The following ZMYND8 variants were observed in gnomAD, a reference collection of about 807,000 sequenced individuals.
The protein encoded by ZMYND8 is MYND-type zinc finger-containing chromatin reader ZMYND8.
A neutral mutation model predicts 140.8 loss-of-function variants in ZMYND8; 37 were observed. That is an observed-to-expected ratio of 0.26 (90% CI 0.20 to 0.35). The LOEUF (loss-of-function observed/expected upper bound fraction) is 0.35, where lower values mean the gene tolerates loss of function less well. ZMYND8 is among the 10% of genes least tolerant of loss of function. The probability of loss-of-function intolerance (pLI) is 1.00; values close to 1 mark genes in which losing one functional copy is unlikely to be tolerated. For synonymous variants in ZMYND8, 592 were observed against 597.1 expected, an observed-to-expected ratio of 0.99 and a Z score of 0.12; for missense variants, 1,068 against 1,570.0, an observed-to-expected ratio of 0.68 and a Z score of 5.40.
At chr20:47,305,082 TAAA>T (rs755649444) in intron 3 of ZMYND8, among the ~76,000 whole-genome samples, 3 of 144,866 alleles carry the variant, frequency 2.1e-5, no homozygotes, top group Non-Finnish European at 1.5e-5. Flanking sequence ...TACAAAAAGT[TAAA>T]AAAAAAAAAT....
At chr20:47,269,028 G>A (rs549533751) in intron 11 of ZMYND8, among the ~76,000 whole-genome samples, 45 of 151,830 alleles carry the variant, frequency 3.0e-4, no homozygotes, top group African/African-American at 9.4e-4. Flanking sequence ...TGGCAAAACC[G>A]CTCTCTACTA....
At chr20:47,249,655 TC>T (rs3216056) in intron 12 of ZMYND8, among the ~76,000 whole-genome samples, 36,157 of 152,086 alleles carry the variant, frequency 0.24, 4,688 homozygotes, top group Non-Finnish European at 0.3. Context: ...GTTTAAACAG[TC>T]CACTGAACAA....
intron 11 of ZMYND8, among the ~76,000 whole-genome samples, chr20:47,274,474 T>TAAA (rs1176494986): frequency 3.9e-5 from 6 of 152,234 alleles, no homozygotes; most frequent in African/African-American, 1.2e-4. Context: ...AAGCATGCTC[T>TAAA]TTATGGGAAT....
intron 11 of ZMYND8, among the ~76,000 whole-genome samples, chr20:47,271,601 G>C (rs1340617822): frequency 2.6e-5 from 4 of 152,168 alleles, no homozygotes; most frequent in African/African-American, 9.7e-5. Flanking sequence ...TTAACAGTAG[G>C]ACTTATAACC....
At chr20:47,229,150 T>A (rs896838675) in intron 17 of ZMYND8, among the ~76,000 whole-genome samples, 1 of 150,834 alleles carries the variant, frequency 6.6e-6, no homozygotes, top group Non-Finnish European at 1.5e-5. Flanking sequence ...TCCTGCTTGT[T>A]TTTTTAAAAT....
At chr20:47,268,720 G>C (rs867785314) in intron 11 of ZMYND8, among the ~76,000 whole-genome samples, 29 of 149,910 alleles carry the variant, frequency 1.9e-4, no homozygotes, top group African/African-American at 6.6e-4. Context: ...GAGGTGGCGA[G>C]TGAGCCGAGA....
chr20:47,319,382 G>A (rs2079721721), intron 2 of ZMYND8: 1 of 240,934 alleles, frequency 4.2e-6, no homozygotes, highest in African/African-American at 2.3e-5. Flanking sequence ...AGGGAGCCTG[G>A]GGGGAGGGAA....
intron 2 of ZMYND8, among the ~76,000 whole-genome samples, chr20:47,324,323 C>T (rs919572352): frequency 6.6e-6 from 1 of 151,902 alleles, no homozygotes; most frequent in Non-Finnish European, 1.5e-5. Flanking sequence ...TCGAGACCAG[C>T]CAGGCCAACA....
intron 7 of ZMYND8, among the ~76,000 whole-genome samples, chr20:47,289,801 G>T (rs565440020): frequency 6.6e-6 from 1 of 152,320 alleles, no homozygotes; most frequent in African/African-American, 2.4e-5. Context: ...GGTTCCTGTT[G>T]AGAGTGGGTT....
intron 11 of ZMYND8, among the ~76,000 whole-genome samples, chr20:47,274,999 G>GGGAGGGAGAGAGAGAGAGACCAA (rs2076172558): frequency 6.6e-6 from 1 of 152,170 alleles, no homozygotes; most frequent in Non-Finnish European, 1.5e-5. Flanking sequence ...GAGGGAGAGA[G>GGGAGGGAGAGAGAGAGAGACCAA]GGAGGGAGAG....
Position 47,280,968 on chromosome 20 carries a change from T to C in ZMYND8, c.998+1134A>G, listed in dbSNP as rs550939081. On this transcript the variant is annotated intron_variant, in intron 10 of 22. Coordinates refer to ENST00000471951, the MANE Select transcript of ZMYND8 (RefSeq NM_001281775.3). ...AGGCCCCCACCACTACCTCCTGACC[T>C]GAGATTATCTTGCCTATTAGTTCAC... Among the ~76,000 whole-genome samples the C allele has an allele frequency of 2.0e-5, 3 of 152,264 alleles. No homozygotes were observed. In the South Asian group the frequency reaches 6.2e-4, roughly 32 times the overall value.
chr20:47,350,335 A>C (rs904212954), intron 1 of ZMYND8, among the ~76,000 whole-genome samples: 3 of 150,972 alleles, frequency 2.0e-5, no homozygotes, highest in Non-Finnish European at 3.0e-5. Context: ...GGAGAAAAAA[A>C]AAAAAAAAAA....
At chr20:47,261,531 C>T (rs2075148628) in intron 12 of ZMYND8, among the ~76,000 whole-genome samples, 1 of 149,038 alleles carries the variant, frequency 6.7e-6, no homozygotes, top group African/African-American at 2.5e-5. Context: ...GAGTGAGACC[C>T]CATCTCTAAA....
intron 2 of ZMYND8, among the ~76,000 whole-genome samples, chr20:47,328,280 C>T (rs1372874577): frequency 6.6e-6 from 1 of 152,096 alleles, no homozygotes; most frequent in Non-Finnish European, 1.5e-5. Context: ...AGTTTTTTGA[C>T]ATTTTTATAA....
intron 2 of ZMYND8, among the ~76,000 whole-genome samples, chr20:47,324,773 C>T (rs2080272106): frequency 6.6e-6 from 1 of 152,204 alleles, no homozygotes; most frequent in African/African-American, 2.4e-5. Flanking sequence ...CCATAGCTGC[C>T]ACTTCATCTT....
At chr20:47,321,046 G>A (rs146021146) in intron 2 of ZMYND8, among the ~76,000 whole-genome samples, 177 of 152,306 alleles carry the variant, frequency 1.2e-3, no homozygotes, top group African/African-American at 3.4e-3. Context: ...GAGACATGGA[G>A]GAACACCCAG....
chr20:47,294,520 CAT>C (rs2077519136), intron 5 of ZMYND8, 144 bp downstream of exon 5: 1 of 692,388 alleles, frequency 1.4e-6, no homozygotes, highest in South Asian at 1.8e-5. Context: ...CATCATACCT[CAT>C]GTGTGATTTA....
rs10536216 is a variant in ZMYND8, at chr20:47,216,495, C to CAAA, written c.3484+3760_3484+3762dup. 2.6e-3 allele frequency among the ~76,000 whole-genome samples: 156 copies of CAAA among 59,448 alleles called. 14 individuals carry two copies. Among genetic ancestry groups the CAAA allele is most frequent in the African/African-American group, 5.8e-3 (95 of 16,370 alleles). 39.0% of individuals were successfully genotyped at this position (59,448 alleles called of 152,430 possible). On this transcript the variant is annotated intron_variant, in intron 21 of 22. Transcript: ENST00000471951. ...GGACAACAGAGCGAAGACTCTGTCT[C>CAAA]AAAAAAAAAAAAAAAAAAAAAAAGG... is the stretch of plus-strand genomic sequence containing the variant.
intron 12 of ZMYND8, among the ~76,000 whole-genome samples, chr20:47,251,548 C>G (rs969451539): frequency 1.3e-5 from 2 of 151,400 alleles, no homozygotes; most frequent in African/African-American, 4.9e-5. Flanking sequence ...GATTGCGTCA[C>G]TGCACTCCAG....
Sources: allele counts gnomAD v4.1 joint callset (sites outside exome capture counted in the v4.1 genomes callset), GRCh38; gene constraint gnomAD v4.1.1; transcripts MANE v1.5; gene names NCBI Gene and HGNC (gene_info 2026-07-23, HGNC 2026-07-21).